DNAH14: variants seen among roughly 807,000 people sequenced by gnomAD.
DNAH14 encodes axonemal beta dynein heavy chain 14.
DNAH14 carries 478 observed loss-of-function variants against 520.9 expected under a neutral mutation model. That is an observed-to-expected ratio of 0.92 (90% CI 0.85 to 0.99). The LOEUF is 0.99. Among genes scored for constraint, DNAH14 ranks in the 50% least tolerant of loss-of-function variants. The pLI is 0.00. For missense variants in DNAH14, 4,831 were observed against 5,234.5 expected (o/e 0.92, Z 2.38); for synonymous variants, 1,581 against 1,757.2 (o/e 0.90, Z 2.51).
At chr1:225,244,280 C>T (rs182748611) in intron 43 of DNAH14, among the ~76,000 whole-genome samples, 21 of 152,210 alleles carry the variant, frequency 1.4e-4, no homozygotes, top group Non-Finnish European at 2.4e-4. Flanking sequence ...GATTTTTCAT[C>T]GATGTTCATC....
intron 68 of DNAH14, among the ~76,000 whole-genome samples, chr1:225,339,635 C>T (rs1362616299): frequency 6.6e-6 from 1 of 152,040 alleles, no homozygotes; most frequent in East Asian, 1.9e-4. Context: ...CAACATGGTC[C>T]CCATGTTAGG....
Position 225,141,358 on chromosome 1 carries a change from T to A in DNAH14, c.4508+337T>A, listed in dbSNP as rs1336951751. 3.3e-5 allele frequency among the ~76,000 whole-genome samples: 5 copies of A among 152,088 alleles called. No homozygotes were observed. In the East Asian group the frequency reaches 9.7e-4, roughly 29 times the overall value. ...TATGTCATTGTTTTTCATCTCTTAA[T>A]GTGCCTCATTTATAAATTAAGCTTT... On this transcript the variant is annotated intron_variant, in intron 28 of 85. Transcript: ENST00000682510.
rs1401855967 is a variant in DNAH14, at chr1:225,273,038, C to T, written c.7923C>T (p.Thr2641=). ...CTCTGCTCTTTGTTCATGAAGCCAC[C>T]CGAGTATTTCACGATCGCTTAATTG... ...MAALLFVHEA[T]RVFHDRLIDF... is the part of the protein sequence containing the mutation. The change falls in exon 52 of 86, where the codon ACC becomes ACT. Residue 2641 remains threonine, a synonymous_variant. Transcript: ENST00000682510. 1.3e-6 allele frequency: 2 copies of T among 1,551,620 alleles called. No homozygotes were observed. The highest frequency in any genetic ancestry group is 1.7e-6 in the Non-Finnish European group (2 of 1,146,974).
intron 72 of DNAH14, among the ~76,000 whole-genome samples, chr1:225,353,152 G>A (rs1404493124): frequency 6.6e-6 from 1 of 151,886 alleles, no homozygotes; most frequent in Non-Finnish European, 1.5e-5. Flanking sequence ...TGTATTTAAA[G>A]TTAGACATTG....
intron 22 of DNAH14, among the ~76,000 whole-genome samples, 172 bp from the exon 23 acceptor site, chr1:225,100,541 G>T (rs141555344): frequency 7.4e-4 from 113 of 152,208 alleles, no homozygotes; most frequent in African/African-American, 2.6e-3. Context: ...CTTACCATGT[G>T]CATCACTTGT....
chr1:225,153,503 C>T (rs556453539), intron 33 of DNAH14, among the ~76,000 whole-genome samples: 13 of 152,090 alleles, frequency 8.5e-5, no homozygotes, highest in Non-Finnish European at 1.6e-4. Flanking sequence ...TCAGAGAAAA[C>T]TTAATTCAGA....
intron 28 of DNAH14, 79 bp downstream of exon 28, chr1:225,141,100 A>G (rs1222136760): frequency 7.5e-7 from 1 of 1,334,434 alleles, no homozygotes; most frequent in East Asian, 2.5e-5. Context: ...TCTACCTCAC[A>G]CTTTGTCAAA....
In DNAH14 at chr1:224,970,915, A is replaced by G. The variant is rs368942177; in HGVS notation, c.767+2041A>G. ...CCAGGCATTATTCTAGATGCCAGGG[A>G]TATTGTATTGAACAAACCAAACAAT... On this transcript the variant is annotated intron_variant, in intron 7 of 85. Transcript: ENST00000682510. 5.3e-5 allele frequency among the ~76,000 whole-genome samples: 8 copies of G among 152,222 alleles called. No individual in the cohort carries two copies. The South Asian group carries it at 1.2e-3, about 24-fold the overall frequency.
chr1:225,197,918 A>G (rs967404717), intron 38 of DNAH14, among the ~76,000 whole-genome samples: 4 of 152,088 alleles, frequency 2.6e-5, no homozygotes, highest in African/African-American at 9.7e-5. Context: ...TACTTTTATC[A>G]TTTCTAGGAG....
chr1:225,379,777 G>A (rs924443742), intron 79 of DNAH14, among the ~76,000 whole-genome samples: 2 of 152,032 alleles, frequency 1.3e-5, no homozygotes, highest in African/African-American at 4.8e-5. Context: ...TGTCTGCCTC[G>A]GCCTCCCAAA....
Position 225,393,606 on chromosome 1 carries a change from A to T in DNAH14, c.13491+1155A>T, listed in dbSNP as rs80050044. On this transcript the variant is annotated intron_variant, in intron 84 of 85. Transcript: ENST00000682510. ...GTCATTGGCACAAATGTTGTTATGG[A>T]GCTCATGATTAAATACACTGAGGGT... Among the ~76,000 whole-genome samples, 349 of 152,154 alleles carry T rather than the reference A, an allele frequency of 2.3e-3. 7 individuals carry two copies. The East Asian group carries it at 0.054, about 23-fold the overall frequency.
chr1:225,331,523 C>A lies in DNAH14; in HGVS notation c.9810C>A (p.Ala3270=). 1 of 1,551,416 alleles carries A rather than the reference C, an allele frequency of 6.4e-7. No individual in the cohort carries two copies. The highest frequency in any genetic ancestry group is 8.7e-7 in the Non-Finnish European group (1 of 1,146,836). Residue 3270 remains alanine (A), a synonymous_variant, in exon 65 of 86, where the codon GCC becomes GCA. Coordinates refer to ENST00000682510, the MANE Select transcript of DNAH14 (RefSeq NM_001367479.1). ...TATTAGCAAATCGGAAAACAATGGC[C>A]AGCAGGCGCTTTCAGTGTGCGTCAG... ...KQLLANRKTM[A]SRRFQCASVL...
chr1:225,258,714 T>C (rs2092826680), intron 45 of DNAH14, among the ~76,000 whole-genome samples: 1 of 152,186 alleles, frequency 6.6e-6, no homozygotes, highest in South Asian at 2.1e-4. Flanking sequence ...TTATCTTTAC[T>C]TTAATACTTA....
At chr1:225,372,272 G>A (rs2095627981) in intron 77 of DNAH14, among the ~76,000 whole-genome samples, 1 of 152,120 alleles carries the variant, frequency 6.6e-6, no homozygotes, top group Admixed American at 6.5e-5. Context: ...TGAAGAATAA[G>A]CTAGGAATGT....
intron 27 of DNAH14, among the ~76,000 whole-genome samples, chr1:225,131,369 T>C (rs2078403036): frequency 6.6e-6 from 1 of 152,164 alleles, no homozygotes; most frequent in African/African-American, 2.4e-5. Context: ...GGAAAATCTG[T>C]TTCTTTGCCT....
At chr1:224,934,902 C>T (rs559885541) in intron 1 of DNAH14, among the ~76,000 whole-genome samples, 11 of 151,462 alleles carry the variant, frequency 7.3e-5, no homozygotes, top group African/African-American at 1.4e-4. Flanking sequence ...AAATGCCAAC[C>T]GAGAATATAT....
chr1:225,339,931 G>C (rs1457661254), intron 68 of DNAH14, among the ~76,000 whole-genome samples: 1 of 152,068 alleles, frequency 6.6e-6, no homozygotes, highest in African/African-American at 2.4e-5. Context: ...CTCCTCCCAG[G>C]CTATTCTCAA....
At chr1:224,976,207 T>A (rs2125662339) in intron 8 of DNAH14, among the ~76,000 whole-genome samples, 1 of 152,286 alleles carries the variant, frequency 6.6e-6, no homozygotes, top group Non-Finnish European at 1.5e-5. Context: ...ATTCTGTTGA[T>A]TTGGGGTGGA....
At chr1:225,311,218 C>T (rs1272683721) in intron 60 of DNAH14, among the ~76,000 whole-genome samples, 1 of 151,942 alleles carries the variant, frequency 6.6e-6, no homozygotes, top group Admixed American at 6.5e-5. Context: ...GCTTTTTTTT[C>T]ATATGTTTGT....
Sources: allele counts gnomAD v4.1 joint callset (sites outside exome capture counted in the v4.1 genomes callset), GRCh38; gene constraint gnomAD v4.1.1; transcripts MANE v1.5; gene names NCBI Gene and HGNC (gene_info 2026-07-23, HGNC 2026-07-21).